EML6: variants seen among roughly 807,000 people sequenced by gnomAD.
EML6 encodes echinoderm microtubule-associated protein-like 6.
EML6 carries 154 observed loss-of-function variants against 240.1 expected under a neutral mutation model. That is an observed-to-expected ratio of 0.64 (90% CI 0.56 to 0.73). The LOEUF is 0.73. Among genes scored for constraint, EML6 ranks in the 30% least tolerant of loss-of-function variants. EML6 has a pLI of 0.00. For missense variants in EML6, 2,964 were observed against 2,474.6 expected (o/e 1.20, Z -4.20); for synonymous variants, 1,148 against 899.0 (o/e 1.28, Z -4.95).
At chr2:54,780,491 T>C (rs1668805748) in intron 2 of EML6, among the ~76,000 whole-genome samples, 3 of 152,150 alleles carry the variant, frequency 2.0e-5, no homozygotes, top group Admixed American at 2.0e-4. Flanking sequence ...CTGGAGTGAG[T>C]GGATAATAAG....
chr2:54,827,792 A>G, intron 6 of EML6, 41 bp downstream of exon 6: 2 of 1,431,988 alleles, frequency 1.4e-6, no homozygotes, highest in East Asian at 2.5e-5. Flanking sequence ...GACCTACCAA[A>G]TAAGGTAAGA....
intron 38 of EML6, among the ~76,000 whole-genome samples, chr2:54,965,152 T>C (rs73936504): frequency 0.018 from 2,718 of 152,230 alleles, 91 homozygotes; most frequent in African/African-American, 0.062. Context: ...CCAGTGGGCC[T>C]GGAGTGAAAG....
At chr2:54,897,140 A>G (rs1038552960) in intron 21 of EML6, among the ~76,000 whole-genome samples, 2 of 152,282 alleles carry the variant, frequency 1.3e-5, no homozygotes, top group Admixed American at 6.5e-5. Flanking sequence ...GTTTCCATGT[A>G]TGCTATATTG....
chr2:54,737,645 C>T (rs1441943385), intron 2 of EML6, among the ~76,000 whole-genome samples: 1 of 152,176 alleles, frequency 6.6e-6, no homozygotes, highest in Non-Finnish European at 1.5e-5. Flanking sequence ...CTGCCTCTTC[C>T]CTGCTTCCAT....
intron 19 of EML6, 149 bp downstream of exon 19, chr2:54,892,805 G>A (rs1038332789): frequency 3.3e-6 from 2 of 612,076 alleles, no homozygotes; most frequent in Non-Finnish European, 5.5e-6. Context: ...AGAGACAATA[G>A]GGAGGAAAGC....
chr2:54,824,251 G>A (rs1668480763), intron 5 of EML6, among the ~76,000 whole-genome samples: 1 of 152,098 alleles, frequency 6.6e-6, no homozygotes, highest in South Asian at 2.1e-4. Flanking sequence ...AACTTTATTT[G>A]AAACAAGAGC....
chr2:54,943,935 G>A (rs760260378), intron 28 of EML6, among the ~76,000 whole-genome samples: 25 of 152,270 alleles, frequency 1.6e-4, no homozygotes, highest in Non-Finnish European at 4.4e-5. Context: ...TGGACAGTGC[G>A]TGTTAGAGAA....
In EML6 at chr2:54,962,635, C is replaced by G. The variant is rs893707505; in HGVS notation, c.5081C>G (p.Ala1694Gly). ...GHMEGEIWGL[A>G]THPSKDLFIS... ...ATGGAAGGGGAGATCTGGGGCCTGG[C>G]CACTCACCCTTCCAAGGACCTCTTC... Residue 1694 changes from alanine to glycine, a missense_variant, in exon 36 of 42, where the codon GCC (alanine) becomes GGC (glycine). Transcript: ENST00000356458. The G allele has an allele frequency of 2.6e-6, 4 of 1,544,142 alleles. No homozygotes were observed. The highest frequency in any genetic ancestry group is 3.5e-6 in the Non-Finnish European group (4 of 1,143,680).
rs984063360 is a variant in EML6, at chr2:54,947,716, C to T, written c.4005-1166C>T. On this transcript the variant is annotated intron_variant, in intron 28 of 41. Coordinates refer to ENST00000356458, the MANE Select transcript of EML6 (RefSeq NM_001039753.4). ...GTCCCCGGGCGCATTCGTAAAGTCA[C>T]GGAGAGTGTGCGGGAAGCATTGACA... Among the ~76,000 whole-genome samples, 9 of 152,224 alleles carry T rather than the reference C, an allele frequency of 5.9e-5. 1 individual carries two copies. The highest frequency in any genetic ancestry group is 2.6e-4 in the Admixed American group (4 of 15,282).
chr2:54,816,820 A>G lies in EML6; in HGVS notation c.391A>G (p.Thr131Ala). The change falls in exon 4 of 42, where the codon ACA (threonine) becomes GCA (alanine). Residue 131 changes from threonine (T) to alanine (A), a missense_variant. Transcript: ENST00000356458. ...LASVGLDAKN[T>A]VCIWDWRKGK... ...CTCTGTGGGGTTGGATGCCAAAAAC[A>G]CAGTCTGCATTTGGGACTGGAGGAA... is the stretch of plus-strand genomic sequence containing the variant. 3.9e-6 allele frequency: 6 copies of G among 1,551,546 alleles called. No individual in the cohort carries two copies. Among genetic ancestry groups the G allele is most frequent in the Non-Finnish European group, 5.2e-6 (6 of 1,146,872 alleles).
Position 54,820,412 on chromosome 2 carries a change from G to C in EML6, c.475G>C (p.Asp159His). 1 of 1,549,478 alleles carries C rather than the reference G, an allele frequency of 6.5e-7. No individual in the cohort carries two copies. The highest frequency in any genetic ancestry group is 8.7e-7 in the Non-Finnish European group (1 of 1,145,234). The change falls in exon 5 of 42, where the codon GAT becomes CAT. Residue 159 changes from aspartate (D) to histidine (H), a missense_variant. Coordinates refer to ENST00000356458, the MANE Select transcript of EML6 (RefSeq NM_001039753.4). ...HSDRIFDISW[D>H]PYQPNRVVSC... ...TGAACAGATTTTTGATATTTCCTGG[G>C]ATCCATATCAGCCAAACAGAGTGGT...
chr2:54,929,801 C>G (rs1053181400), intron 28 of EML6, among the ~76,000 whole-genome samples: 6 of 151,966 alleles, frequency 3.9e-5, no homozygotes, highest in African/African-American at 7.3e-5. Flanking sequence ...AAGATTGAAT[C>G]TAATGCAAAA....
At position 54,970,072 on chromosome 2, in the gene EML6, G is replaced by A. The variant is rs1396858115; in HGVS notation, c.5854G>A (p.Val1952Ile). 6.4e-7 allele frequency: 1 copy of A among 1,551,664 alleles called. No individual in the cohort carries two copies. The highest frequency in any genetic ancestry group is 2.4e-5 in the East Asian group (1 of 40,930). Reference sequence around the variant, plus strand: ...TGACTGTTTGATCTGCCTTTTCAGTGTATTTGTGTGGCGATGTCTGTAAAA... The same window carrying A: ...TGACTGTTTGATCTGCCTTTTCAGTATATTTGTGTGGCGATGTCTGTAAAA... ...VVSTGGDDCSVFVWRCL is the reference protein window; with the variant it reads ...VVSTGGDDCSIFVWRCL Residue 1952 changes from valine to isoleucine, a missense_variant and splice_region_variant, in exon 42 of 42, where the codon GTA (valine) becomes ATA (isoleucine). By Grantham distance (29) the Val-to-Ile change is conservative. Coordinates refer to ENST00000356458, the MANE Select transcript of EML6 (RefSeq NM_001039753.4).
intron 26 of EML6, among the ~76,000 whole-genome samples, chr2:54,924,562 T>A (rs1161660130): frequency 1.3e-5 from 2 of 151,890 alleles, no homozygotes; most frequent in Non-Finnish European, 2.9e-5. Context: ...TTTAAAAAAA[T>A]TATTTATTAT....
intron 10 of EML6, among the ~76,000 whole-genome samples, chr2:54,853,240 A>G (rs1670186957): frequency 6.6e-6 from 1 of 152,220 alleles, no homozygotes; most frequent in Admixed American, 6.5e-5. Context: ...TTTCATTAAT[A>G]ATACAAAGCA....
At chr2:54,804,775 A>C (rs1045965580) in intron 2 of EML6, among the ~76,000 whole-genome samples, 3 of 152,204 alleles carry the variant, frequency 2.0e-5, no homozygotes, top group Non-Finnish European at 4.4e-5. Context: ...TCTAATTTTC[A>C]GGACTGTTCT....
At position 54,869,235 on chromosome 2, in the gene EML6, A is replaced by C; in HGVS notation, c.2106A>C (p.Val702=). 1 of 1,551,778 alleles carries C rather than the reference A, an allele frequency of 6.4e-7. No homozygotes were observed. ...NNLFYTQAGE[V]VYHIAAVAVV... is the part of the protein sequence containing the mutation. ...TGTTCTACACACAAGCTGGAGAAGT[A>C]GTCTACCACATTGCTGCAGTTGCTG... Residue 702 remains valine, a synonymous_variant, in exon 15 of 42, where the codon GTA becomes GTC. Transcript: ENST00000356458.
intron 2 of EML6, among the ~76,000 whole-genome samples, chr2:54,731,464 AC>A (rs1219312958): frequency 1.3e-5 from 2 of 151,952 alleles, no homozygotes; most frequent in Non-Finnish European, 2.9e-5. Context: ...GCATAGGGAG[AC>A]CCCATTGCTA....
At chr2:54,860,558 C>T (rs979453307) in intron 12 of EML6, among the ~76,000 whole-genome samples, 1 of 152,190 alleles carries the variant, frequency 6.6e-6, no homozygotes, top group Non-Finnish European at 1.5e-5. Context: ...CATGACTCAT[C>T]CCATCAGTAA....
Sources: gnomAD v4.1 joint callset for allele counts (sites outside exome capture counted in the v4.1 genomes callset) on GRCh38, gnomAD v4.1.1 for gene constraint, MANE v1.5 for transcripts, NCBI Gene and HGNC (gene_info 2026-07-23, HGNC 2026-07-21) for gene names.